The following SLC16A5 variants were observed in gnomAD, a reference collection of about 807,000 sequenced individuals.
SLC16A5 encodes solute carrier family 16 member 5.
A neutral mutation model predicts 33.2 loss-of-function variants in SLC16A5; 29 were observed. That is an observed-to-expected ratio of 0.87 (90% CI 0.65 to 1.19). SLC16A5 has a LOEUF of 1.19. Ranked by LOEUF, SLC16A5 falls within the 50% of genes most tolerant of loss-of-function variation. SLC16A5 has a pLI of 0.00. For missense variants in SLC16A5, 606 were observed against 678.2 expected (o/e 0.89, Z 1.18); for synonymous variants, 248 against 284.1 (o/e 0.87, Z 1.28).
chr17:75,109,931 T>TCGCCTGCCTCGTCCCGCCCC, downstream of SLC16A5: 1 of 233,336 alleles, frequency 4.3e-6, no homozygotes, highest in Non-Finnish European at 8.5e-6. The surrounding 1 kb of genome is among the most constrained non-coding windows in gnomAD (Gnocchi z 5.0). Context: ...GCCCCGCCCC[T>TCGCCTGCCTCGTCCCGCCCC]TCGGGGGTAG....
Position 75,105,994 on chromosome 17 carries a change from G to C in SLC16A5, c.1479G>C (p.Gln493His). Residue 493 changes from glutamine (Q) to histidine (H), a missense_variant, in exon 7 of 7, where the codon CAG becomes CAC. Transcript: ENST00000329783. ...TCTTATGGCCAAAGGCGGTACTGCAGGCCAAGCAAACGGCTCTGGGCTGGA... is the reference window on the plus strand; with the variant it reads ...TCTTATGGCCAAAGGCGGTACTGCACGCCAAGCAAACGGCTCTGGGCTGGA... ...EWLLWPKAVL[Q>H]AKQTALGWNS... 1 of 1,605,576 alleles carries C rather than the reference G, an allele frequency of 6.2e-7. No homozygotes were observed. The highest frequency in any genetic ancestry group is 8.5e-7 in the Non-Finnish European group (1 of 1,174,936).
chr17:75,094,743 C>T (rs1433828734), intron 3 of SLC16A5, among the ~76,000 whole-genome samples: 4 of 151,800 alleles, frequency 2.6e-5, no homozygotes, highest in East Asian at 1.9e-4. Flanking sequence ...CCAGCTCTCC[C>T]GGGACTCCCT....
intron 6 of SLC16A5, 151 bp from the exon 7 acceptor site, chr17:75,105,729 C>A: frequency 7.2e-7 from 1 of 1,391,464 alleles, no homozygotes; most frequent in Non-Finnish European, 9.3e-7. Flanking sequence ...ACTAATGAAG[C>A]TGACAAACAG....
chr17:75,104,270 C>T, intron 6 of SLC16A5, 90 bp downstream of exon 6: 4 of 1,540,360 alleles, frequency 2.6e-6, no homozygotes, highest in Middle Eastern at 3.4e-4. Context: ...CTCAGCCCAG[C>T]CCAGGAGGGG....
chr17:75,101,331 C>T (rs371688038), intron 5 of SLC16A5, among the ~76,000 whole-genome samples: 5 of 150,400 alleles, frequency 3.3e-5, no homozygotes, highest in Admixed American at 6.7e-5. Context: ...GAGGCTGAGG[C>T]GGGTGGATCA....
chr17:75,092,547 G>A (rs1485540608), intron 2 of SLC16A5, among the ~76,000 whole-genome samples: 3 of 152,000 alleles, frequency 2.0e-5, no homozygotes, highest in Non-Finnish European at 4.4e-5. Context: ...GGATGGTCTC[G>A]ATCTTCTGAC....
At chr17:75,098,480 C>T (rs1369269789) in intron 4 of SLC16A5, among the ~76,000 whole-genome samples, 1 of 152,102 alleles carries the variant, frequency 6.6e-6, no homozygotes, top group African/African-American at 2.4e-5. Context: ...AGGAGAATCG[C>T]CCGGGAAGTG....
In SLC16A5 at chr17:75,100,751, C is replaced by T; in HGVS notation, c.1088C>T (p.Pro363Leu). 6.2e-7 allele frequency: 1 copy of T among 1,614,002 alleles called. No homozygotes were observed. Among genetic ancestry groups the T allele is most frequent in the African/African-American group, 1.3e-5 (1 of 75,032 alleles). Reference sequence around the variant, plus strand: ...GACATCGTCCCCATGGATCAGTTCCCCAGAGCCCTGGGACTCTTCACTGTC... The same window carrying T: ...GACATCGTCCCCATGGATCAGTTCCTCAGAGCCCTGGGACTCTTCACTGTC... Reference protein sequence around the residue: ...LMDIVPMDQFPRALGLFTVLD... With the variant: ...LMDIVPMDQFLRALGLFTVLD... The change falls in exon 5 of 7, where the codon CCC (proline) becomes CTC (leucine). Residue 363 changes from proline (P) to leucine (L), a missense_variant. By Grantham distance (98) the Pro-to-Leu change is moderately conservative (BLOSUM62 -3). Transcript: ENST00000329783.
At chr17:75,092,836 T>C (rs1403244831) in intron 2 of SLC16A5, among the ~76,000 whole-genome samples, 2 of 142,594 alleles carry the variant, frequency 1.4e-5, no homozygotes, top group African/African-American at 5.0e-5. Flanking sequence ...TGTGTGTGTG[T>C]GTGTGTGTGT....
chr17:75,102,483 C>T (rs903911278), intron 5 of SLC16A5, among the ~76,000 whole-genome samples: 3 of 152,196 alleles, frequency 2.0e-5, no homozygotes, highest in African/African-American at 4.8e-5. Context: ...CAAAGAGACA[C>T]ATCAGCAACC....
Position 75,100,067 on chromosome 17 carries a change from G to A in SLC16A5, c.404G>A (p.Arg135His), listed in dbSNP as rs756129373. Residue 135 changes from arginine (R) to histidine (H), a missense_variant, in exon 5 of 7, where the codon CGC (arginine) becomes CAC (histidine). Coordinates refer to ENST00000329783, the MANE Select transcript of SLC16A5 (RefSeq NM_004695.4). ...ACGGTGCTGGGCTTCTACTTTGTCCGCCGGCGGGTGCTGGCCAACGCGCTG... is the reference window on the plus strand; with the variant it reads ...ACGGTGCTGGGCTTCTACTTTGTCCACCGGCGGGTGCTGGCCAACGCGCTG... ...SITVLGFYFV[R>H]RRVLANALAS... 39 of 1,613,284 alleles carry A rather than the reference G, an allele frequency of 2.4e-5. No homozygotes were observed. The highest frequency in any genetic ancestry group is 1.6e-4 in the Middle Eastern group (1 of 6,082).
chr17:75,105,457 T>C (rs1193593867), intron 6 of SLC16A5: 7 of 985,280 alleles, frequency 7.1e-6, no homozygotes. Context: ...GGCCCCCCTT[T>C]TCCCTGCCGT....
downstream of SLC16A5, among the ~76,000 whole-genome samples, chr17:75,106,467 T>TA (rs939764383): frequency 6.6e-6 from 1 of 151,896 alleles, no homozygotes; most frequent in Non-Finnish European, 1.5e-5. Flanking sequence ...AGAAAAAAGA[T>TA]ATCAGCTGGA....
At chr17:75,099,711 T>C (rs1193129261) in intron 4 of SLC16A5, among the ~76,000 whole-genome samples, 1 of 152,206 alleles carries the variant, frequency 6.6e-6, no homozygotes, top group Non-Finnish European at 1.5e-5. Context: ...AGTGCTGGGA[T>C]TACAGGCGTG....
At position 75,093,342 on chromosome 17, in the gene SLC16A5, C is replaced by T; in HGVS notation, c.-48-247C>T. 6 of 1,464,806 alleles carry T rather than the reference C, an allele frequency of 4.1e-6. No homozygotes were observed. In the South Asian group the frequency reaches 7.3e-5, roughly 18 times the overall value. The allele number at this position is 1,464,806 out of a possible 1,614,324, so 90.7% of individuals were successfully genotyped here. On this transcript the variant is annotated intron_variant, in intron 2 of 6. Transcript: ENST00000329783. ...ACCTGCCCTGCCCCGTCCTGTCCCT[C>T]CTATCCCTCCTGTCCCTCCTGTCCT...
intron 3 of SLC16A5, among the ~76,000 whole-genome samples, chr17:75,095,763 G>A (rs1473114340): frequency 2.0e-5 from 3 of 151,954 alleles, no homozygotes; most frequent in Admixed American, 6.6e-5. Flanking sequence ...AGGTTCAAGC[G>A]ATTCTCCTGC....
intron 6 of SLC16A5, chr17:75,104,405 C>A: frequency 7.5e-7 from 1 of 1,333,524 alleles, no homozygotes; most frequent in Non-Finnish European, 9.6e-7. Flanking sequence ...TGAAGATGCC[C>A]TGAGAAACTC....
At chr17:75,092,881 G>A (rs568341167) in intron 2 of SLC16A5, among the ~76,000 whole-genome samples, 2 of 151,530 alleles carry the variant, frequency 1.3e-5, no homozygotes, top group South Asian at 2.1e-4. Context: ...GTGTGATTGC[G>A]GAACTTGAGT....
chr17:75,107,905 C>T (rs918741698), downstream of SLC16A5, among the ~76,000 whole-genome samples: 1 of 151,890 alleles, frequency 6.6e-6, no homozygotes, highest in Non-Finnish European at 1.5e-5. Context: ...CCACTGCACT[C>T]CAACCCGGGT....
Sources: gnomAD v4.1 joint callset for allele counts (sites outside exome capture counted in the v4.1 genomes callset) on GRCh38, gnomAD v4.1.1 for gene constraint, Gnocchi (gnomAD v3.1) non-coding constraint, MANE v1.5 for transcripts, NCBI Gene and HGNC (gene_info 2026-07-23, HGNC 2026-07-21) for gene names.